The following NCAPD3 variants were observed in gnomAD, a reference collection of about 807,000 sequenced individuals.
The protein encoded by NCAPD3 is non-SMC condensin II complex subunit D3, also known as condensin-2 complex subunit D3.
Under a neutral mutation model 182.9 loss-of-function variants are expected in NCAPD3, and 105 were observed. The ratio of observed to expected loss-of-function variants is 0.57; its 90% CI spans 0.49 to 0.68. The LOEUF (loss-of-function observed/expected upper bound fraction) is 0.68, where lower values mean the gene tolerates loss of function less well. Among genes scored for constraint, NCAPD3 ranks in the 30% least tolerant of loss-of-function variants. The pLI, the probability that NCAPD3 is intolerant of heterozygous loss-of-function variation, is 0.00. For synonymous variants in NCAPD3, 815 were observed against 679.9 expected (o/e 1.20, Z -3.09); for missense variants, 1,944 against 1,837.0 (o/e 1.06, Z -1.07).
In NCAPD3 at chr11:134,202,924, A is replaced by G; in HGVS notation, c.1526-19T>C. On this transcript the variant is annotated intron_variant, in intron 12 of 34. Transcript: ENST00000534548. ...GAAAAAGCTTTAAAAAAAAAATTAC[A>G]GTCATTAAGCTAAAAATGTGTTATA... The G allele has an allele frequency of 6.4e-7, 1 of 1,565,592 alleles. No homozygotes were observed. The highest frequency in any genetic ancestry group is 8.7e-7 in the Non-Finnish European group (1 of 1,148,614).
chr11:134,181,040 G>A, intron 20 of NCAPD3, 37 bp downstream of exon 20: 8 of 1,464,944 alleles, frequency 5.5e-6, no homozygotes, highest in Non-Finnish European at 7.7e-6. Context: ...GGATAAAATG[G>A]AAGCGAAAAG....
At position 134,177,232 on chromosome 11, in the gene NCAPD3, G is replaced by T. The variant is rs766621980; in HGVS notation, c.3008C>A (p.Thr1003Asn). Residue 1003 changes from threonine to asparagine, a missense_variant, in exon 23 of 35, where the codon ACC becomes AAC. By Grantham distance (65) the Thr-to-Asn change is moderately conservative. Transcript: ENST00000534548. ...CCCCCTACGCACCTGCAAGAGATTG[G>T]TAAGCAAGATGAGTGTCTGCTTCCG... Reference protein sequence around the residue: ...FIRKQTLILLTNLLQEEFVKW... With the variant: ...FIRKQTLILLNNLLQEEFVKW... 6.2e-7 allele frequency: 1 copy of T among 1,613,738 alleles called. No homozygotes were observed. The highest frequency in any genetic ancestry group is 1.1e-5 in the South Asian group (1 of 91,070).
At chr11:134,197,273 C>CTTTTTTTTTTTT (rs35691982) in intron 13 of NCAPD3, among the ~76,000 whole-genome samples, 1 of 111,976 alleles carries the variant, frequency 8.9e-6, no homozygotes, top group Non-Finnish European at 1.8e-5. Context: ...AGTCTCACAT[C>CTTTTTTTTTTTT]TTTTTTTTTT....
At chr11:134,177,741 T>G in intron 22 of NCAPD3, 2 of 410,032 alleles carry the variant, frequency 4.9e-6, no homozygotes, top group Middle Eastern at 6.6e-4. Flanking sequence ...AATTTCGCAG[T>G]TATCCCCTTA....
At chr11:134,165,605 G>C (rs758571259) in intron 27 of NCAPD3, among the ~76,000 whole-genome samples, 4 of 148,770 alleles carry the variant, frequency 2.7e-5, no homozygotes, top group Non-Finnish European at 4.5e-5. Flanking sequence ...GATGAGCTTG[G>C]GGGAGGCGCA....
rs1449071359 is a variant in NCAPD3 at position 134,196,955 on chromosome 11, C to T, written c.1616-2217G>A. ...CCAAACCTCATGTTGAACTGTAACA[C>T]CCAGTGCTGGAGGCGGGGCCTGGTA... On this transcript the variant is annotated intron_variant, in intron 13 of 34. Transcript: ENST00000534548. Among the ~76,000 whole-genome samples the T allele has an allele frequency of 2.6e-5, 4 of 152,154 alleles. 1 individual carries two copies. Among genetic ancestry groups the T allele is most frequent in the Admixed American group, 2.6e-4 (4 of 15,274 alleles).
intron 2 of NCAPD3, among the ~76,000 whole-genome samples, chr11:134,219,657 C>A (rs1431876070): frequency 1.3e-5 from 2 of 151,986 alleles, no homozygotes; most frequent in Non-Finnish European, 2.9e-5. Context: ...GTTTCCCAAC[C>A]CTTTGGTTTT....
intron 23 of NCAPD3, among the ~76,000 whole-genome samples, chr11:134,176,766 C>T (rs1944178553): frequency 6.6e-6 from 1 of 152,224 alleles, no homozygotes; most frequent in Admixed American, 6.5e-5. Context: ...ATCTAACGCT[C>T]TGCAGAGCTC....
At chr11:134,164,052 C>T (rs1003129098) in intron 27 of NCAPD3, among the ~76,000 whole-genome samples, 3 of 152,100 alleles carry the variant, frequency 2.0e-5, no homozygotes, top group African/African-American at 7.2e-5. Flanking sequence ...CAGGCAGGAT[C>T]TTGTGGCAAG....
At chr11:134,209,582 C>G in intron 4 of NCAPD3, 105 bp from the exon 5 acceptor site, 3 of 1,092,090 alleles carry the variant, frequency 2.7e-6, no homozygotes, top group South Asian at 3.1e-5. Flanking sequence ...CAGGCAGGAG[C>G]TGATGTTGAG....
chr11:134,203,922 C>A lies in NCAPD3; in HGVS notation c.1216-16G>T, dbSNP rs375338831. 1.1e-5 allele frequency: 17 copies of A among 1,610,072 alleles called. No individual in the cohort carries two copies. The highest frequency in any genetic ancestry group is 1.3e-5 in the African/African-American group (1 of 74,700). On this transcript the variant is annotated splice_polypyrimidine_tract_variant and intron_variant, in intron 10 of 34. Coordinates refer to ENST00000534548, the MANE Select transcript of NCAPD3 (RefSeq NM_015261.3). Reference sequence around the variant, plus strand: ...GGTGTGGGATCTGGTAAAGCAAGATCATAAGAATTGCCATCAGATAGGAGT... The same window carrying A: ...GGTGTGGGATCTGGTAAAGCAAGATAATAAGAATTGCCATCAGATAGGAGT...
intron 4 of NCAPD3, chr11:134,209,793 C>A: frequency 3.7e-6 from 1 of 271,236 alleles, no homozygotes; most frequent in South Asian, 6.0e-5. Flanking sequence ...GGTGTTGTGG[C>A]TCATGCCTGT....
At chr11:134,218,316 A>G (rs540773212) in intron 2 of NCAPD3, among the ~76,000 whole-genome samples, 39 of 152,134 alleles carry the variant, frequency 2.6e-4, no homozygotes, top group African/African-American at 8.2e-4. Flanking sequence ...CACTCCCTAC[A>G]TGTGACTGCT....
In NCAPD3 at chr11:134,158,394, G is replaced by A. The variant is rs762825556; in HGVS notation, c.3969C>T (p.Gly1323=). 1.2e-6 allele frequency: 2 copies of A among 1,614,206 alleles called. No individual in the cohort carries two copies. The highest frequency in any genetic ancestry group is 2.2e-5 in the South Asian group (2 of 91,086). Reference sequence around the variant, plus strand: ...GTGTAGGAGATGATACTGCTACATGGCCAGCACTTGCCCTGGGTGTGCAGG... The same window carrying A: ...GTGTAGGAGATGATACTGCTACATGACCAGCACTTGCCCTGGGTGTGCAGG... The part of the protein sequence containing the change: ...SQPCTPRASA[G]HVAVSSPTPE... The change falls in exon 30 of 35, where the codon GGC becomes GGT. Residue 1323 remains glycine, a synonymous_variant. Transcript: ENST00000534548.
chr11:134,190,040 T>C (rs1944491807), intron 16 of NCAPD3, among the ~76,000 whole-genome samples: 3 of 152,242 alleles, frequency 2.0e-5, no homozygotes, highest in Non-Finnish European at 2.9e-5. Flanking sequence ...ACTGACCTAT[T>C]GGATTAATTC....
rs376383218 is a variant in NCAPD3 at position 134,181,079 on chromosome 11, A to T, written c.2557T>A (p.Leu853Met). 6.2e-7 allele frequency: 1 copy of T among 1,610,944 alleles called. No individual in the cohort carries two copies. The highest frequency in any genetic ancestry group is 8.5e-7 in the Non-Finnish European group (1 of 1,177,102). ...NGTGNMDEDLLVKYIFTLGDI... is the reference protein window; with the variant it reads ...NGTGNMDEDLMVKYIFTLGDI... ...GGTTAGGAAAAGCAGTCGCTTACCA[A>T]CAGGTCTTCGTCCATATTCCCTGTT... Residue 853 changes from leucine (L) to methionine (M), a missense_variant and splice_region_variant, in exon 20 of 35, where the codon TTG becomes ATG. Leu to Met is a conservative substitution (Grantham distance 15). This residue lies in a region of NCAPD3 where 1,803 missense variants were observed against 1,674.6 expected (regional missense o/e 1.08). Transcript: ENST00000534548.
rs943943179 is a variant in NCAPD3 at position 134,195,043 on chromosome 11, A to T, written c.1616-305T>A. 1.5e-4 allele frequency among the ~76,000 whole-genome samples: 23 copies of T among 152,312 alleles called. No homozygotes were observed. In the South Asian group the frequency reaches 2.1e-3, roughly 14 times the overall value. The stretch of plus-strand genomic sequence containing the variant: ...CAAATAGGAGTATCTAACCCATAGG[A>T]TTATTTTAAAGATTTGATGAGGTAA... On this transcript the variant is annotated intron_variant, in intron 13 of 34. Coordinates refer to ENST00000534548, the MANE Select transcript of NCAPD3 (RefSeq NM_015261.3).
In NCAPD3 at chr11:134,193,993, A is replaced by G. The variant is rs189305710; in HGVS notation, c.1824+23T>C. 258 of 1,598,716 alleles carry G rather than the reference A, an allele frequency of 1.6e-4. 2 individuals carry two copies. In the East Asian group the frequency reaches 5.6e-3, roughly 35 times the overall value. On this transcript the variant is annotated intron_variant, in intron 15 of 34. Coordinates refer to ENST00000534548, the MANE Select transcript of NCAPD3 (RefSeq NM_015261.3). The stretch of plus-strand genomic sequence containing the variant: ...TTTAATGTAAAATACCATGCATTAC[A>G]TATATAATGTCCTGCCTCTCACCAT...
At chr11:134,202,686 G>A (rs1398297607) in intron 13 of NCAPD3, 130 bp downstream of exon 13, 2 of 644,112 alleles carry the variant, frequency 3.1e-6, no homozygotes, top group Non-Finnish European at 5.1e-6. Context: ...ACCACGCCCA[G>A]CCAGCTGTTT....
Sources: allele counts gnomAD v4.1 joint callset (sites outside exome capture counted in the v4.1 genomes callset), GRCh38; gene constraint gnomAD v4.1.1; regional missense constraint gnomAD v4.1.1; transcripts MANE v1.5; gene names NCBI Gene and HGNC (gene_info 2026-07-23, HGNC 2026-07-21).